Variants in DLG2 observed in about 807,000 individuals in gnomAD.
The protein encoded by DLG2 is disks large homolog 2.
Under a neutral mutation model 132.5 loss-of-function variants are expected in DLG2, and 45 were observed. The observed-to-expected ratio is 0.34, with a 90% confidence interval of 0.27 to 0.44. DLG2 has a LOEUF of 0.44. DLG2 is among the 20% of genes least tolerant of loss of function. The pLI, the probability that DLG2 is intolerant of heterozygous loss-of-function variation, is 1.00. For missense variants in DLG2, 1,045 were observed against 1,196.9 expected, an observed-to-expected ratio of 0.87 and a Z score of 1.87; for synonymous variants, 424 against 419.6, an observed-to-expected ratio of 1.01 and a Z score of -0.13.
At chr11:83,608,136 T>G (rs1421084474) in intron 19 of DLG2, among the ~76,000 whole-genome samples, 1 of 152,222 alleles carries the variant, frequency 6.6e-6, no homozygotes, top group Admixed American at 6.5e-5. Flanking sequence ...GGATGGATTG[T>G]GTCCAAATAA....
At chr11:84,759,335 C>T (rs930625942) in intron 6 of DLG2, among the ~76,000 whole-genome samples, 6 of 152,150 alleles carry the variant, frequency 3.9e-5, no homozygotes, top group Non-Finnish European at 1.5e-5. Flanking sequence ...GAGTGTAAAG[C>T]TATGCAGGAT....
chr11:84,502,233 T>C (rs1197558049), intron 7 of DLG2, among the ~76,000 whole-genome samples: 3 of 30,686 alleles, frequency 9.8e-5, no homozygotes, highest in Admixed American at 4.5e-4. Context: ...CTTCCTTCCT[T>C]CCTTCCTTCC....
chr11:85,060,497 A>G (rs1398844406), intron 6 of DLG2, among the ~76,000 whole-genome samples: 1 of 150,786 alleles, frequency 6.6e-6, no homozygotes, highest in African/African-American at 2.4e-5. Flanking sequence ...ATATACACGC[A>G]TATGTATATG....
intron 7 of DLG2, among the ~76,000 whole-genome samples, chr11:84,301,838 C>T (rs537210976): frequency 1.3e-5 from 2 of 151,994 alleles, no homozygotes; most frequent in South Asian, 2.1e-4. Context: ...CCCAGCAATC[C>T]CATTACTGGG....
At chr11:83,698,775 T>C (rs1394879653) in intron 18 of DLG2, among the ~76,000 whole-genome samples, 2 of 152,194 alleles carry the variant, frequency 1.3e-5, no homozygotes, top group Non-Finnish European at 2.9e-5. Context: ...ACGTTATCTC[T>C]TCCACATCCT....
At chr11:84,284,519 A>G (rs1388814815) in intron 7 of DLG2, among the ~76,000 whole-genome samples, 1 of 152,232 alleles carries the variant, frequency 6.6e-6, no homozygotes, top group African/African-American at 2.4e-5. Context: ...CCAGTACTAT[A>G]AGGGAAAGAA....
intron 4 of DLG2, among the ~76,000 whole-genome samples, chr11:85,192,076 G>A (rs1283706740): frequency 1.3e-5 from 2 of 152,148 alleles, no homozygotes; most frequent in Non-Finnish European, 2.9e-5. Context: ...AATTTGATCT[G>A]ACTACAAATT....
In DLG2 at chr11:83,904,994, G is replaced by A. The variant is rs372528709; in HGVS notation, c.1496+25334C>T. ...AGACTGAAAATGAAGTAAAAAATCT[G>A]AGGTCCTTCATTGTTCTTGACATTC... On this transcript the variant is annotated intron_variant, in intron 15 of 27. Coordinates refer to ENST00000376104, the MANE Select transcript of DLG2 (RefSeq NM_001142699.3). Among the ~76,000 whole-genome samples the A allele has an allele frequency of 3.9e-5, 6 of 152,132 alleles. No homozygotes were observed. In the East Asian group the frequency reaches 5.8e-4, roughly 15 times the overall value.
intron 14 of DLG2, among the ~76,000 whole-genome samples, chr11:83,943,002 C>G (rs745397112): frequency 6.6e-6 from 1 of 152,160 alleles, no homozygotes; most frequent in African/African-American, 2.4e-5. Context: ...GTGAATAAGT[C>G]TCATGAGATC....
intron 5 of DLG2, among the ~76,000 whole-genome samples, chr11:85,112,002 A>G (rs2072838498): frequency 6.6e-6 from 1 of 152,032 alleles, no homozygotes; most frequent in Admixed American, 6.6e-5. Context: ...CCAGGCTTCA[A>G]TACCAACCAC....
At chr11:84,909,688 G>A (rs1177198280) in intron 6 of DLG2, among the ~76,000 whole-genome samples, 4 of 152,166 alleles carry the variant, frequency 2.6e-5, no homozygotes, top group African/African-American at 7.2e-5. Context: ...AATAGGCTCA[G>A]TAAGAATTAT....
intron 18 of DLG2, among the ~76,000 whole-genome samples, chr11:83,647,272 G>T (rs1423306923): frequency 2.0e-5 from 3 of 151,758 alleles, no homozygotes; most frequent in Non-Finnish European, 4.4e-5. Flanking sequence ...CTTAGACAAG[G>T]GTGGGGGCGG....
chr11:84,306,267 T>G (rs998952305), intron 7 of DLG2, among the ~76,000 whole-genome samples: 10 of 152,020 alleles, frequency 6.6e-5, no homozygotes, highest in African/African-American at 2.4e-4. Context: ...ATATAAATTA[T>G]TATTTGTCAA....
At chr11:83,780,212 A>C (rs916644147) in intron 18 of DLG2, among the ~76,000 whole-genome samples, 5 of 152,154 alleles carry the variant, frequency 3.3e-5, no homozygotes, top group Admixed American at 6.6e-5. Flanking sequence ...ATGTACTTTC[A>C]TTTCTGAGAA....
chr11:84,376,320 A>G (rs537847891), intron 7 of DLG2, among the ~76,000 whole-genome samples: 3 of 152,132 alleles, frequency 2.0e-5, no homozygotes, highest in Admixed American at 2.0e-4. Context: ...CCCAACTCAG[A>G]TTCTATGGAT....
chr11:83,841,079 A>T (rs2057419532), intron 16 of DLG2, among the ~76,000 whole-genome samples: 1 of 152,182 alleles, frequency 6.6e-6, no homozygotes, highest in Non-Finnish European at 1.5e-5. Flanking sequence ...TCTGATTAAT[A>T]TAATAGCCCA....
At chr11:83,836,828 T>TGG (rs2056301160) in intron 16 of DLG2, among the ~76,000 whole-genome samples, 1 of 152,206 alleles carries the variant, frequency 6.6e-6, no homozygotes, top group Admixed American at 6.5e-5. Context: ...TGACCTGACT[T>TGG]ACATTTGTAA....
chr11:84,436,451 A>G (rs954015702), intron 7 of DLG2, among the ~76,000 whole-genome samples: 2 of 152,188 alleles, frequency 1.3e-5, no homozygotes, highest in African/African-American at 4.8e-5. Context: ...CTCTGGGTCA[A>G]TCTCATGAGT....
intron 7 of DLG2, among the ~76,000 whole-genome samples, chr11:84,386,726 C>T (rs985599503): frequency 1.4e-4 from 21 of 152,108 alleles, no homozygotes; most frequent in African/African-American, 5.1e-4. Flanking sequence ...CCTTGGATCA[C>T]TCATGAGAGA....
Sources: gnomAD v4.1 joint callset for allele counts (sites outside exome capture counted in the v4.1 genomes callset) on GRCh38, gnomAD v4.1.1 for gene constraint, MANE v1.5 for transcripts, NCBI Gene and HGNC (gene_info 2026-07-23, HGNC 2026-07-21) for gene names.